SHCBP1: variants seen among roughly 807,000 people sequenced by gnomAD.
SHCBP1 encodes the protein SHC SH2 domain-binding protein 1.
In SHCBP1, 60 loss-of-function variants were observed where a neutral mutation model predicts 75.1. The observed-to-expected ratio is 0.80, with a 90% CI of 0.65 to 0.99. The LOEUF is 0.99. Ranked by LOEUF, SHCBP1 falls within the 50% of genes least tolerant of loss-of-function variation. SHCBP1 has a pLI of 0.00. For synonymous variants in SHCBP1, 290 were observed against 293.2 expected (o/e 0.99, Z 0.11); for missense variants, 709 against 809.4 (o/e 0.88, Z 1.50).
chr16:46,595,474 A>T, intron 10 of SHCBP1, 78 bp downstream of exon 10: 2 of 1,110,970 alleles, frequency 1.8e-6, no homozygotes, highest in South Asian at 2.5e-5. Flanking sequence ...GTACACACAT[A>T]CATCTTGGTC....
chr16:46,605,357 G>C (rs1965309509), intron 5 of SHCBP1, among the ~76,000 whole-genome samples: 1 of 152,224 alleles, frequency 6.6e-6, no homozygotes, highest in Non-Finnish European at 1.5e-5. Flanking sequence ...GGGAGGCCAA[G>C]GCAGGCAGAT....
At position 46,579,981 on chromosome 16, in the gene SHCBP1, T is replaced by G. The variant is rs983927104; in HGVS notation, c.*1748A>C. ...AAATAAATACAAAAAAAAAATTAGCTGGGCATGGTGGCGGGCACCTATAAT... is the reference window on the plus strand; with the variant it reads ...AAATAAATACAAAAAAAAAATTAGCGGGGCATGGTGGCGGGCACCTATAAT... On this transcript the variant is annotated 3_prime_UTR_variant, in exon 13 of 13. Coordinates refer to ENST00000303383, the MANE Select transcript of SHCBP1 (RefSeq NM_024745.5). Among the ~76,000 whole-genome samples the G allele has an allele frequency of 1.3e-5, 2 of 149,434 alleles. No homozygotes were observed. The highest frequency in any genetic ancestry group is 5.0e-5 in the African/African-American group (2 of 40,284).
At chr16:46,620,313 A>G (rs931899194) in intron 1 of SHCBP1, among the ~76,000 whole-genome samples, 1 of 152,172 alleles carries the variant, frequency 6.6e-6, no homozygotes, top group Non-Finnish European at 1.5e-5. Context: ...TATGTACATC[A>G]GATCCCCAGA....
rs369000174 is a variant in SHCBP1, at chr16:46,604,156, A to T, written c.924-13T>A. On this transcript the variant is annotated splice_polypyrimidine_tract_variant and intron_variant, in intron 6 of 12. Coordinates refer to ENST00000303383, the MANE Select transcript of SHCBP1 (RefSeq NM_024745.5). Reference sequence around the variant, plus strand: ...ACCAAACACATACCTTAAAGAAACGAAACAGGCCTATCAGTAAGACAGCAA... The same window carrying T: ...ACCAAACACATACCTTAAAGAAACGTAACAGGCCTATCAGTAAGACAGCAA... 25 of 1,613,622 alleles carry T rather than the reference A, an allele frequency of 1.5e-5. No homozygotes were observed. The highest frequency in any genetic ancestry group is 3.3e-4 in the Middle Eastern group (2 of 6,084).
intron 10 of SHCBP1, among the ~76,000 whole-genome samples, chr16:46,590,302 C>T (rs1224878897): frequency 6.6e-6 from 1 of 152,094 alleles, no homozygotes; most frequent in Non-Finnish European, 1.5e-5. Flanking sequence ...CAACAAAAGC[C>T]AAAATTGACA....
rs751269845 is a variant in SHCBP1, at chr16:46,581,705, T to G, written c.*24A>C. 5 of 1,590,162 alleles carry G rather than the reference T, an allele frequency of 3.1e-6. No individual in the cohort carries two copies. In the East Asian group the frequency reaches 1.1e-4, roughly 36 times the overall value. On this transcript the variant is annotated 3_prime_UTR_variant, in exon 13 of 13. Transcript: ENST00000303383. ...GCAGCATGTGCAAAATCCAGTATTT[T>G]GCTATCTACTTACATCACTGTAGTC...
chr16:46,620,172 G>T (rs1295911911), intron 1 of SHCBP1, among the ~76,000 whole-genome samples: 2 of 152,096 alleles, frequency 1.3e-5, no homozygotes, highest in Non-Finnish European at 2.9e-5. Flanking sequence ...GTGTGTGTGT[G>T]GTGTGAACAC....
chr16:46,583,588 C>T lies in SHCBP1; in HGVS notation c.1621G>A (p.Gly541Ser), dbSNP rs770967098. 2.0e-5 allele frequency: 33 copies of T among 1,611,034 alleles called. No individual in the cohort carries two copies. In the East Asian group the frequency reaches 4.2e-4, roughly 21 times the overall value. The change falls in exon 12 of 13, where the codon GGT (glycine) becomes AGT (serine). Residue 541 changes from glycine (G) to serine (S), a missense_variant. Coordinates refer to ENST00000303383, the MANE Select transcript of SHCBP1 (RefSeq NM_024745.5). ...MVNNIIHNNE[G>S]YGVVLVKPTI... ...GGTTTCACCAAGACAACACCATAAC[C>T]TTCATTATTATGTATTATATTATTC... is the stretch of plus-strand genomic sequence containing the variant.
rs1964830807 is a variant in SHCBP1, at chr16:46,578,902, G to A, written c.*2827C>T. Among the ~76,000 whole-genome samples the A allele has an allele frequency of 6.6e-6, 1 of 152,108 alleles. No individual in the cohort carries two copies. Among genetic ancestry groups the A allele is most frequent in the African/African-American group, 2.4e-5 (1 of 41,430 alleles). ...CTTATGAGCTCATCAGTGTTCTATTGAACTTTCTTCAATCTCCCTCTGAAA... is the reference window on the plus strand; with the variant it reads ...CTTATGAGCTCATCAGTGTTCTATTAAACTTTCTTCAATCTCCCTCTGAAA... On this transcript the variant is annotated 3_prime_UTR_variant, in exon 13 of 13. Transcript: ENST00000303383.
intron 9 of SHCBP1, 140 bp downstream of exon 9, chr16:46,599,691 A>AAAAAAAAAAAAAAAAAAGC: frequency 2.8e-6 from 1 of 354,362 alleles, no homozygotes; most frequent in Non-Finnish European, 4.9e-6. Context: ...AAAAAAAAAA[A>AAAAAAAAAAAAAAAAAAGC]ACTCAGCATC....
intron 10 of SHCBP1, among the ~76,000 whole-genome samples, chr16:46,588,642 T>G (rs991113690): frequency 2.0e-5 from 3 of 152,210 alleles, no homozygotes; most frequent in African/African-American, 7.2e-5. Context: ...AATCTCTGAA[T>G]AGACCAGTAA....
chr16:46,596,726 T>C (rs865833517), intron 9 of SHCBP1, among the ~76,000 whole-genome samples: 1 of 141,258 alleles, frequency 7.1e-6, no homozygotes, highest in Non-Finnish European at 1.5e-5. Flanking sequence ...CCTAAATGAG[T>C]AAACTTTTTT....
rs1964875718 is a variant in SHCBP1 at position 46,581,830 on chromosome 16, G to A, written c.1918C>T (p.Gln640Ter). 1.2e-6 allele frequency: 2 copies of A among 1,614,166 alleles called. No homozygotes were observed. Among genetic ancestry groups the A allele is most frequent in the Non-Finnish European group, 1.7e-6 (2 of 1,180,034 alleles). The change falls in exon 13 of 13, where the codon CAA becomes TAA. Residue 640 changes from glutamine to a stop codon, truncating the protein, a stop_gained. Coordinates refer to ENST00000303383, the MANE Select transcript of SHCBP1 (RefSeq NM_024745.5). LOFTEE classifies it high-confidence loss of function. ...KKRLSELGITQADDNLMSQEM... is the reference protein window; with the variant it reads ...KKRLSELGIT The stretch of plus-strand genomic sequence containing the variant: ...TGTGACATTAAGTTGTCATCAGCTT[G>A]CGTGATCCCCAGTTCACTCAACCTT...
At chr16:46,604,535 G>T in intron 5 of SHCBP1, 74 bp from the exon 6 acceptor site, 1 of 1,003,304 alleles carries the variant, frequency 1.0e-6, no homozygotes, top group Non-Finnish European at 1.5e-6. Context: ...AGCCCACTTA[G>T]CCCTCAAAGA....
chr16:46,590,845 C>T (rs1965035748), intron 10 of SHCBP1, among the ~76,000 whole-genome samples: 1 of 152,198 alleles, frequency 6.6e-6, no homozygotes, highest in African/African-American at 2.4e-5. Flanking sequence ...ATGAATCATG[C>T]TGCTATAAAG....
chr16:46,583,991 G>T lies in SHCBP1; in HGVS notation c.1551+12C>A. On this transcript the variant is annotated intron_variant, in intron 11 of 12. Coordinates refer to ENST00000303383, the MANE Select transcript of SHCBP1 (RefSeq NM_024745.5). ...TATCCATTGAAAAGTGGGTGTTTTG[G>T]CTGATGCTCACCTTAATGAGGATCC... is the stretch of plus-strand genomic sequence containing the variant. 6.3e-7 allele frequency: 1 copy of T among 1,596,138 alleles called. No homozygotes were observed. The highest frequency in any genetic ancestry group is 1.3e-5 in the African/African-American group (1 of 74,758).
chr16:46,602,611 G>A (rs984736650), intron 8 of SHCBP1, among the ~76,000 whole-genome samples: 1 of 152,108 alleles, frequency 6.6e-6, no homozygotes, highest in East Asian at 1.9e-4. Context: ...CACTCTAAAT[G>A]AACAATAAGA....
chr16:46,586,089 T>C (rs927719697), intron 10 of SHCBP1, among the ~76,000 whole-genome samples: 1 of 152,150 alleles, frequency 6.6e-6, no homozygotes, highest in East Asian at 1.9e-4. Context: ...TCCCTTGTCA[T>C]ACCAAGAATC....
chr16:46,591,717 C>G (rs564490608), intron 10 of SHCBP1, among the ~76,000 whole-genome samples: 1 of 152,116 alleles, frequency 6.6e-6, no homozygotes, highest in South Asian at 2.1e-4. Flanking sequence ...TTTTCATTTG[C>G]TCACAGAATA....
Sources: gnomAD v4.1 joint callset for allele counts (sites outside exome capture counted in the v4.1 genomes callset) on GRCh38, gnomAD v4.1.1 for gene constraint, MANE v1.5 for transcripts, NCBI Gene and HGNC (gene_info 2026-07-23, HGNC 2026-07-21) for gene names.